USP46: variants seen among roughly 807,000 people sequenced by gnomAD.
USP46 encodes ubiquitin specific peptidase 46, also known as ubiquitin carboxyl-terminal hydrolase 46.
A neutral mutation model predicts 44.4 loss-of-function variants in USP46; 12 were observed. The ratio of observed to expected loss-of-function variants is 0.27; its 90% CI spans 0.17 to 0.44. USP46 has a LOEUF of 0.44. Among genes scored for constraint, USP46 ranks in the 20% least tolerant of loss-of-function variants. The pLI is 1.00. For missense variants in USP46, 248 were observed against 444.8 expected, an observed-to-expected ratio of 0.56 and a Z score of 3.98; for synonymous variants, 155 against 161.5, an observed-to-expected ratio of 0.96 and a Z score of 0.31.
chr4:52,634,541 C>T (rs1289317274), intron 1 of USP46, among the ~76,000 whole-genome samples: 3 of 150,958 alleles, frequency 2.0e-5, no homozygotes, highest in African/African-American at 7.3e-5. Context: ...TCTCCTGCCT[C>T]AGCCTCCTGA....
In USP46 at chr4:52,601,868, A is replaced by G; in HGVS notation, c.909T>C (p.Val303=). 3.1e-6 allele frequency: 5 copies of G among 1,613,256 alleles called. No individual in the cohort carries two copies. Among genetic ancestry groups the G allele is most frequent in the Non-Finnish European group, 4.2e-6 (5 of 1,179,690 alleles). The change falls in exon 7 of 9, where the codon GTT becomes GTC. Residue 303 remains valine, a synonymous_variant. Coordinates refer to ENST00000441222, the MANE Select transcript of USP46 (RefSeq NM_022832.4). Reference sequence around the variant, plus strand: ...AGTCTTGCCCTTACCTGCCACAGTGAACGACCACCGCAACCAAGTCATACA... The same window carrying G: ...AGTCTTGCCCTTACCTGCCACAGTGGACGACCACCGCAACCAAGTCATACA... ...DRMYDLVAVV[V]HCGSGPNRGH...
At chr4:52,656,175 A>C in intron 1 of USP46, 9 of 912,324 alleles carry the variant, frequency 9.9e-6, no homozygotes, top group Non-Finnish European at 1.4e-5. Flanking sequence ...AAAAAATGCA[A>C]TCACCATTTG....
At chr4:52,629,873 C>T (rs966733114) in intron 2 of USP46, among the ~76,000 whole-genome samples, 6 of 152,110 alleles carry the variant, frequency 3.9e-5, no homozygotes, top group African/African-American at 1.4e-4. Context: ...CAAGATCACA[C>T]AAGCTAGGGA....
intron 8 of USP46, 55 bp from the exon 9 acceptor site, chr4:52,597,796 A>C (rs1055418782): frequency 7.7e-7 from 1 of 1,291,678 alleles, no homozygotes. Context: ...TCCTGGGGAA[A>C]GGAAATAAAA....
chr4:52,657,960 TG>T (rs1413268173), intron 1 of USP46, among the ~76,000 whole-genome samples: 2 of 152,198 alleles, frequency 1.3e-5, no homozygotes, highest in East Asian at 3.9e-4. Flanking sequence ...AGCTATGTGA[TG>T]GGGGAAGGGC....
chr4:52,633,128 G>A (rs976973753), intron 1 of USP46, among the ~76,000 whole-genome samples: 5 of 152,276 alleles, frequency 3.3e-5, no homozygotes, highest in Admixed American at 1.3e-4. Context: ...TGACCAAAAC[G>A]TAACTGAGAA....
chr4:52,630,839 G>A (rs916214447), intron 2 of USP46, among the ~76,000 whole-genome samples: 2 of 151,978 alleles, frequency 1.3e-5, no homozygotes, highest in African/African-American at 2.4e-5. Context: ...AGCATGGGGG[G>A]AAAATGTAAA....
chr4:52,616,740 A>G (rs1717166921), intron 4 of USP46, among the ~76,000 whole-genome samples: 1 of 152,200 alleles, frequency 6.6e-6, no homozygotes, highest in South Asian at 2.1e-4. Context: ...GACATAAGAC[A>G]TATCTCAATA....
At chr4:52,653,736 G>A (rs755667897) in intron 1 of USP46, among the ~76,000 whole-genome samples, 1 of 152,052 alleles carries the variant, frequency 6.6e-6, no homozygotes, top group Non-Finnish European at 1.5e-5. Context: ...GTAAGCTAGA[G>A]ATAGAGATAG....
At chr4:52,632,983 A>AGAAAG (rs1560406138) in intron 1 of USP46, among the ~76,000 whole-genome samples, 3 of 92,768 alleles carry the variant, frequency 3.2e-5, no homozygotes, top group South Asian at 3.7e-4. Flanking sequence ...AAAGAAAGAA[A>AGAAAG]GAAAAGAAAA....
intron 5 of USP46, among the ~76,000 whole-genome samples, chr4:52,607,068 G>A (rs1716712353): frequency 6.6e-6 from 1 of 152,102 alleles, no homozygotes; most frequent in African/African-American, 2.4e-5. Context: ...AAGCTAAAGG[G>A]TCACAATAGC....
chr4:52,605,189 T>TAA (rs1014620095), intron 5 of USP46, among the ~76,000 whole-genome samples: 5 of 152,296 alleles, frequency 3.3e-5, no homozygotes, highest in African/African-American at 1.2e-4. Flanking sequence ...GACCACCTCC[T>TAA]ACCAACCCCT....
intron 1 of USP46, among the ~76,000 whole-genome samples, chr4:52,638,027 A>G (rs1465776418): frequency 6.6e-6 from 1 of 152,184 alleles, no homozygotes; most frequent in East Asian, 1.9e-4. Flanking sequence ...GACAGAGAGA[A>G]TACTGCCCCT....
At chr4:52,618,207 G>A (rs561039443) in intron 4 of USP46, among the ~76,000 whole-genome samples, 41 of 152,158 alleles carry the variant, frequency 2.7e-4, no homozygotes, top group African/African-American at 9.2e-4. Context: ...AACATAGTGA[G>A]GCCCAGACTC....
In USP46 at chr4:52,597,357, A is replaced by G. The variant is rs1716284441; in HGVS notation, c.*283T>C. ...AAATGTCATTCTAATACAGCCAGAC[A>G]TAATGAATGGCATAGCTTTCACCCA... On this transcript the variant is annotated 3_prime_UTR_variant, in exon 9 of 9. Transcript: ENST00000441222. The G allele has an allele frequency of 3.1e-6, 1 of 320,130 alleles. No individual in the cohort carries two copies. The highest frequency in any genetic ancestry group is 3.8e-5 in the South Asian group (1 of 26,136). The allele number at this position is 320,130 out of a possible 1,614,324, so 19.8% of individuals were successfully genotyped here.
intron 5 of USP46, among the ~76,000 whole-genome samples, chr4:52,605,831 C>T (rs1716667672): frequency 6.6e-6 from 1 of 152,198 alleles, no homozygotes; most frequent in Admixed American, 6.5e-5. Flanking sequence ...CACACTGGCC[C>T]TGGGAAATCC....
At chr4:52,658,683 G>A (rs1427240037) in intron 1 of USP46, among the ~76,000 whole-genome samples, 1 of 152,338 alleles carries the variant, frequency 6.6e-6, no homozygotes, top group East Asian at 1.9e-4. Context: ...ACCTCGGAAG[G>A]ACTGAACTCA....
At chr4:52,652,944 T>C (rs976508699) in intron 1 of USP46, among the ~76,000 whole-genome samples, 5 of 152,102 alleles carry the variant, frequency 3.3e-5, no homozygotes, top group Admixed American at 6.5e-5. Flanking sequence ...ATTTAAAAAG[T>C]ATCTGAGGGT....
At chr4:52,658,731 G>A (rs1374013093) in intron 1 of USP46, among the ~76,000 whole-genome samples, 2 of 152,224 alleles carry the variant, frequency 1.3e-5, no homozygotes, top group Admixed American at 1.3e-4. Flanking sequence ...CAATAAGGCT[G>A]TCTTGACCGC....
Sources: allele counts gnomAD v4.1 joint callset (sites outside exome capture counted in the v4.1 genomes callset), GRCh38; gene constraint gnomAD v4.1.1; transcripts MANE v1.5; gene names NCBI Gene and HGNC (gene_info 2026-07-23, HGNC 2026-07-21).